LAMA4: variants seen among roughly 807,000 people sequenced by gnomAD.
LAMA4 encodes the protein laminin subunit alpha 4, also known as laminin subunit alpha-4.
Under a neutral mutation model 207.1 loss-of-function variants are expected in LAMA4, and 127 were observed. The ratio of observed to expected loss-of-function variants is 0.61; its 90% CI spans 0.53 to 0.71. The LOEUF (loss-of-function observed/expected upper bound fraction) is 0.71, where lower values mean the gene tolerates loss of function less well. Ranked by LOEUF, LAMA4 falls within the 30% of genes least tolerant of loss-of-function variation. The pLI, the probability that LAMA4 is intolerant of heterozygous loss-of-function variation, is 0.00. For missense variants in LAMA4, 2,093 were observed against 2,246.5 expected (o/e 0.93, Z 1.38); for synonymous variants, 761 against 816.0 (o/e 0.93, Z 1.15).
At chr6:112,119,132 T>G in intron 34 of LAMA4, 24 bp downstream of exon 34, 1 of 1,612,900 alleles carries the variant, frequency 6.2e-7, no homozygotes, top group South Asian at 1.1e-5. Flanking sequence ...GGTCAATGGC[T>G]CTACCTGGTC....
rs781936158 is a variant in LAMA4 at position 112,158,815 on chromosome 6, G to T, written c.1734C>A (p.Asn578Lys). 1.9e-6 allele frequency: 3 copies of T among 1,612,698 alleles called. No individual in the cohort carries two copies. Residue 578 changes from asparagine to lysine, a missense_variant, in exon 14 of 39, where the codon AAC becomes AAA. Around this residue, in one of 3 missense-constraint regions of LAMA4, gnomAD observed 1,704 missense variants for 1,788.4 expected, o/e 0.95. Coordinates refer to ENST00000230538, the MANE Select transcript of LAMA4 (RefSeq NM_001105206.3). ...CTAAATCATGGCTGAGGTTACTTAG[G>T]TTAGATAGTTTTACTTGTAGTTCAC... ...AKSELQVKLS[N>K]LSNLSHDLVQ...
At chr6:112,220,654 TA>T (rs1554360312) in intron 2 of LAMA4, among the ~76,000 whole-genome samples, 1 of 152,186 alleles carries the variant, frequency 6.6e-6, no homozygotes, top group Admixed American at 6.5e-5. Context: ...ATGACCTTTA[TA>T]CGAGTATCTG....
chr6:112,206,217 C>T (rs1554354186), intron 4 of LAMA4, among the ~76,000 whole-genome samples: 1 of 152,006 alleles, frequency 6.6e-6, no homozygotes, highest in Non-Finnish European at 1.5e-5. Context: ...GCCTGGGGAC[C>T]CCATTTTTGG....
intron 12 of LAMA4, 112 bp from the exon 13 acceptor site, chr6:112,165,388 A>T (rs1781328103): frequency 1.3e-6 from 1 of 771,268 alleles, no homozygotes; most frequent in Non-Finnish European, 2.4e-6. Context: ...ATCTGGGTTC[A>T]TATCCCAGCT....
chr6:112,122,131 C>T lies in LAMA4; in HGVS notation c.4358G>A (p.Arg1453Lys). The change falls in exon 32 of 39, where the codon AGA (arginine) becomes AAA (lysine). Residue 1453 changes from arginine (R) to lysine (K), a missense_variant. Arg to Lys is a conservative substitution (Grantham distance 26). Transcript: ENST00000230538. The stretch of plus-strand genomic sequence containing the variant: ...GTTGGAAAGGTGGCAATGAGAGTTT[C>T]TTGGAGTATTCCGCTCTGGGAGTTT... ...ALKLPERNTP[R>K]NSHCHLSNSP... The T allele has an allele frequency of 6.2e-7, 1 of 1,613,926 alleles. No individual in the cohort carries two copies. The highest frequency in any genetic ancestry group is 8.5e-7 in the Non-Finnish European group (1 of 1,179,884).
At chr6:112,203,437 CT>C (rs2115010280) in intron 4 of LAMA4, among the ~76,000 whole-genome samples, 1 of 152,278 alleles carries the variant, frequency 6.6e-6, no homozygotes, top group South Asian at 2.1e-4. Flanking sequence ...AGTCCTGGAA[CT>C]TTCATTTTAT....
At chr6:112,227,508 G>C (rs1215764773) in intron 2 of LAMA4, among the ~76,000 whole-genome samples, 3 of 152,196 alleles carry the variant, frequency 2.0e-5, no homozygotes, top group Non-Finnish European at 4.4e-5. Flanking sequence ...TCTGGATATA[G>C]GATTTCCATG....
In LAMA4 at chr6:112,142,175, G is replaced by A. The variant is rs782774293; in HGVS notation, c.2611C>T (p.Arg871Trp). Residue 871 changes from arginine to tryptophan, a missense_variant, in exon 20 of 39, where the codon CGG (arginine) becomes TGG (tryptophan). By Grantham distance (101) the Arg-to-Trp change is moderately radical (BLOSUM62 -3). Transcript: ENST00000230538. Reference sequence around the variant, plus strand: ...TCTGCAGTCTCGGTCAGTTCCGGCCGCTTCACAGGGGGTTTCATGTACAGG... The same window carrying A: ...TCTGCAGTCTCGGTCAGTTCCGGCCACTTCACAGGGGGTTTCATGTACAGG... The part of the protein sequence containing the change: ...LSLYMKPPVK[R>W]PELTETADQF... The A allele has an allele frequency of 6.1e-5, 99 of 1,613,926 alleles. 1 individual carries two copies. The highest frequency in any genetic ancestry group is 3.3e-4 in the Middle Eastern group (2 of 6,084).
At chr6:112,213,963 A>G in intron 3 of LAMA4, 1 of 706,776 alleles carries the variant, frequency 1.4e-6, no homozygotes, top group Non-Finnish European at 2.6e-6. Context: ...CATGACAGTG[A>G]GCTACAAGAA....
intron 6 of LAMA4, 45 bp downstream of exon 6, chr6:112,191,591 G>T: frequency 1.5e-6 from 2 of 1,368,708 alleles, no homozygotes; most frequent in South Asian, 1.2e-5. Context: ...ATTGGCAGAG[G>T]GTCATGCTGG....
At chr6:112,138,442 G>A (rs1050198924) in intron 24 of LAMA4, among the ~76,000 whole-genome samples, 2 of 151,966 alleles carry the variant, frequency 1.3e-5, no homozygotes, top group Non-Finnish European at 2.9e-5. Flanking sequence ...AAGAGTTTAA[G>A]GATTTTTGAA....
intron 8 of LAMA4, 58 bp downstream of exon 8, chr6:112,187,392 C>A: frequency 6.3e-7 from 1 of 1,598,634 alleles, no homozygotes; most frequent in Non-Finnish European, 8.6e-7. Context: ...GAATTACTAG[C>A]TGCGGGCCTG....
intron 31 of LAMA4, among the ~76,000 whole-genome samples, chr6:112,125,577 T>TA (rs1485538262): frequency 6.6e-6 from 1 of 152,206 alleles, no homozygotes; most frequent in Non-Finnish European, 1.5e-5. Flanking sequence ...TAAACATTGT[T>TA]AAAAAAATTT....
At chr6:112,168,990 G>T (rs1342165895) in intron 12 of LAMA4, among the ~76,000 whole-genome samples, 4 of 152,174 alleles carry the variant, frequency 2.6e-5, no homozygotes, top group Non-Finnish European at 4.4e-5. Flanking sequence ...GTCTCCAGTG[G>T]CTAAGAGGCA....
Position 112,115,996 on chromosome 6 carries a change from G to C in LAMA4, c.4982-3C>G. The C allele has an allele frequency of 1.2e-6, 2 of 1,611,876 alleles. No individual in the cohort carries two copies. The highest frequency in any genetic ancestry group is 2.2e-5 in the South Asian group (2 of 91,026). Reference sequence around the variant, plus strand: ...CAATCCAATATTGAAAGATTCATCTGTGGAGAGAAACACTATAAACTCCCA... The same window carrying C: ...CAATCCAATATTGAAAGATTCATCTCTGGAGAGAAACACTATAAACTCCCA... On this transcript the variant is annotated splice_region_variant and splice_polypyrimidine_tract_variant and intron_variant, in intron 35 of 38. Transcript: ENST00000230538.
Position 112,107,975 on chromosome 6 carries a change from C to T in LAMA4, c.*1462G>A, listed in dbSNP as rs1160622313. The stretch of plus-strand genomic sequence containing the variant: ...CTTTAGCTTATCATGGTGGCTGGCA[C>T]TTAGTAAGTCCTCTATGAACAGACA... On this transcript the variant is annotated 3_prime_UTR_variant, in exon 39 of 39. Transcript: ENST00000230538. Among the ~76,000 whole-genome samples the T allele has an allele frequency of 6.6e-6, 1 of 152,154 alleles. No individual in the cohort carries two copies. Among genetic ancestry groups the T allele is most frequent in the Non-Finnish European group, 1.5e-5 (1 of 68,038 alleles).
intron 9 of LAMA4, among the ~76,000 whole-genome samples, chr6:112,183,428 C>T (rs17073485): frequency 0.16 from 23,955 of 152,044 alleles, 2,145 homozygotes; most frequent in East Asian, 0.29. Flanking sequence ...GTAGCTTTAT[C>T]ATCAACCTCC....
intron 2 of LAMA4, among the ~76,000 whole-genome samples, chr6:112,230,452 T>G (rs782648489): frequency 6.6e-6 from 1 of 152,222 alleles, no homozygotes; most frequent in Non-Finnish European, 1.5e-5. Flanking sequence ...AACTCTAGGC[T>G]TTGGTTTCCC....
chr6:112,123,587 A>G (rs1450254982), intron 31 of LAMA4, among the ~76,000 whole-genome samples: 2 of 152,200 alleles, frequency 1.3e-5, no homozygotes, highest in African/African-American at 4.8e-5. Flanking sequence ...GTTTTAGCTA[A>G]ATCTCAGAAT....
Sources: allele counts gnomAD v4.1 joint callset (sites outside exome capture counted in the v4.1 genomes callset), GRCh38; gene constraint gnomAD v4.1.1; regional missense constraint gnomAD v4.1.1; transcripts MANE v1.5; gene names NCBI Gene and HGNC (gene_info 2026-07-23, HGNC 2026-07-21).